The following LARP4 variants were observed in gnomAD, a reference collection of about 807,000 sequenced individuals.
The protein encoded by LARP4 is la-related protein 4.
A neutral mutation model predicts 92.9 loss-of-function variants in LARP4; 29 were observed. The observed-to-expected ratio is 0.31, with a 90% CI of 0.23 to 0.43. LARP4 has a LOEUF of 0.43. LARP4 is among the 20% of genes least tolerant of loss of function. The probability of loss-of-function intolerance (pLI) is 1.00; values close to 1 mark genes in which losing one functional copy is unlikely to be tolerated. For synonymous variants in LARP4, 279 were observed against 284.1 expected, an observed-to-expected ratio of 0.98 and a Z score of 0.18; for missense variants, 732 against 860.0, an observed-to-expected ratio of 0.85 and a Z score of 1.86.
At chr12:50,449,968 T>C (rs1287013890) in intron 8 of LARP4, among the ~76,000 whole-genome samples, 2 of 134,544 alleles carry the variant, frequency 1.5e-5, no homozygotes, top group Non-Finnish European at 3.1e-5. Context: ...GGAGTTTTGC[T>C]CTGTTGCCAG....
chr12:50,404,681 GTTTTTTT>G (rs1162590362), intron 1 of LARP4, among the ~76,000 whole-genome samples: 1 of 67,356 alleles, frequency 1.5e-5, no homozygotes. Flanking sequence ...GGTTCAAGCA[GTTTTTTT>G]TTTTTTTTTT....
chr12:50,412,607 C>G (rs187590368), intron 1 of LARP4: 21 of 164,674 alleles, frequency 1.3e-4, no homozygotes, highest in African/African-American at 3.8e-4. Context: ...TTCTCTTTTT[C>G]CTTTCATTTT....
rs568523734 is a variant in LARP4, at chr12:50,441,209, G to A, written c.751-381G>A. The A allele has an allele frequency of 4.1e-5, 7 of 170,110 alleles. 1 individual carries two copies. In the South Asian group the frequency reaches 7.6e-4, roughly 19 times the overall value. The allele number at this position is 170,110 out of a possible 1,614,324, so 10.5% of individuals were successfully genotyped here. ...TGGTTTTATTCTTAATTGTTAACAT[G>A]TCTTAAAGAGAAATAATCCTTTGAA... is the stretch of plus-strand genomic sequence containing the variant. On this transcript the variant is annotated intron_variant, in intron 7 of 15. Transcript: ENST00000398473.
At chr12:50,419,946 C>G (rs1046518755) in intron 1 of LARP4, among the ~76,000 whole-genome samples, 2 of 152,060 alleles carry the variant, frequency 1.3e-5, no homozygotes, top group African/African-American at 4.8e-5. Context: ...AAAATTCTTA[C>G]AAAGTTCTAA....
chr12:50,435,521 T>C lies in LARP4; in HGVS notation c.432T>C (p.Ser144=). 1.3e-6 allele frequency: 2 copies of C among 1,575,902 alleles called. No homozygotes were observed. The highest frequency in any genetic ancestry group is 2.2e-5 in the South Asian group (2 of 89,032). Residue 144 remains serine (S), a synonymous_variant, in exon 5 of 16, where the codon TCT becomes TCC. Transcript: ENST00000398473. ...ENLSKDLYLI[S]QMDSDQFIPI... is the part of the protein sequence containing the mutation. ...TGTCAAAGGATCTTTACTTGATATC[T>C]CAAATGGATAGTGATCAGTTCATCC...
rs1413067564 is a variant in LARP4 at position 50,475,924 on chromosome 12, T to C, written c.*60T>C. On this transcript the variant is annotated 3_prime_UTR_variant, in exon 16 of 16. Transcript: ENST00000398473. ...TCCCATTAAACTTGAACTGTGGCTA[T>C]ATTGAACTGTTTTGGAGGGGAGGGG... 1.8e-5 allele frequency: 26 copies of C among 1,436,500 alleles called. No homozygotes were observed. The highest frequency in any genetic ancestry group is 2.3e-5 in the Non-Finnish European group (24 of 1,040,680). 89.0% of individuals were successfully genotyped at this position (1,436,500 alleles called of 1,614,324 possible). A position where few individuals can be genotyped will look rare whatever the true frequency, so the allele number is the denominator to read the frequency against.
In LARP4 at chr12:50,475,947, G is replaced by C. The variant is rs1241765912; in HGVS notation, c.*83G>C. The C allele has an allele frequency of 8.6e-7, 1 of 1,158,178 alleles. No individual in the cohort carries two copies. Among genetic ancestry groups the C allele is most frequent in the Non-Finnish European group, 1.2e-6 (1 of 818,686 alleles). 71.7% of individuals were successfully genotyped at this position (1,158,178 alleles called of 1,614,324 possible). On this transcript the variant is annotated 3_prime_UTR_variant, in exon 16 of 16. Transcript: ENST00000398473. ...TATATTGAACTGTTTTGGAGGGGAG[G>C]GGGTAGCCAGGAAGGAAACAAGAGA... is the stretch of plus-strand genomic sequence containing the variant.
chr12:50,447,028 A>G (rs2137961852), intron 8 of LARP4, among the ~76,000 whole-genome samples: 1 of 152,222 alleles, frequency 6.6e-6, no homozygotes, highest in Admixed American at 6.5e-5. Context: ...GTGTTATTTC[A>G]TTTGATATTC....
At chr12:50,457,227 A>G (rs1954456205) in intron 10 of LARP4, among the ~76,000 whole-genome samples, 2 of 122,696 alleles carry the variant, frequency 1.6e-5, no homozygotes, top group South Asian at 5.5e-4. Flanking sequence ...TTTTTTAAAG[A>G]CGGAGTTTTG....
At chr12:50,448,249 TC>T (rs1245765910) in intron 8 of LARP4, among the ~76,000 whole-genome samples, 2 of 152,092 alleles carry the variant, frequency 1.3e-5, no homozygotes, top group African/African-American at 2.4e-5. Context: ...TTTATCTTTT[TC>T]CCCCCATCTT....
Position 50,476,488 on chromosome 12 carries a change from G to C in LARP4, c.*624G>C, listed in dbSNP as rs1322851218. ...ATACTTGAGTAGATTTTTTTTTCTA[G>C]TTTGAAATTTAGTCTGTCTTTTTGA... On this transcript the variant is annotated 3_prime_UTR_variant, in exon 16 of 16. Transcript: ENST00000398473. 6.6e-6 allele frequency: 1 copy of C among 152,260 alleles called. No individual in the cohort carries two copies. The highest frequency in any genetic ancestry group is 1.5e-5 in the Non-Finnish European group (1 of 67,948). 9.4% of individuals were successfully genotyped at this position (152,260 alleles called of 1,614,324 possible).
chr12:50,403,079 G>A (rs774139441), intron 1 of LARP4, among the ~76,000 whole-genome samples: 2 of 152,210 alleles, frequency 1.3e-5, no homozygotes, highest in African/African-American at 4.8e-5. Flanking sequence ...GAGAACCAAA[G>A]CTCAGAAGTT....
At chr12:50,403,173 A>G (rs1171728445) in intron 1 of LARP4, among the ~76,000 whole-genome samples, 1 of 152,236 alleles carries the variant, frequency 6.6e-6, no homozygotes, top group Non-Finnish European at 1.5e-5. Context: ...TCTGGCTTCA[A>G]AATTATTTTT....
At chr12:50,420,076 AG>A (rs1213128259) in intron 1 of LARP4, among the ~76,000 whole-genome samples, 1 of 152,252 alleles carries the variant, frequency 6.6e-6, no homozygotes, top group Non-Finnish European at 1.5e-5. Context: ...ATTATCATCA[AG>A]TGTAGACTAT....
At chr12:50,475,433 CTG>C (rs1957439965) in intron 15 of LARP4, 91 bp from the exon 16 acceptor site, 2 of 1,036,144 alleles carry the variant, frequency 1.9e-6, no homozygotes, top group East Asian at 4.8e-5. Context: ...GGAAGATAAT[CTG>C]TGGTTTTCTT....
chr12:50,460,360 C>T (rs1955149129), intron 10 of LARP4, among the ~76,000 whole-genome samples: 1 of 152,116 alleles, frequency 6.6e-6, no homozygotes, highest in African/African-American at 2.4e-5. Context: ...ATAGGGTTTT[C>T]TCTGATGCCT....
intron 13 of LARP4, among the ~76,000 whole-genome samples, chr12:50,473,073 G>A (rs1216269032): frequency 6.6e-6 from 1 of 152,182 alleles, no homozygotes; most frequent in Non-Finnish European, 1.5e-5. Context: ...ACCCGCCTCA[G>A]CCTCCGAAAG....
At chr12:50,453,310 A>C (rs1282773208) in intron 8 of LARP4, 150 bp from the exon 9 acceptor site, 7 of 528,832 alleles carry the variant, frequency 1.3e-5, no homozygotes, top group Non-Finnish European at 2.0e-5. Context: ...TTAATTAATT[A>C]AAGCTGTCAT....
intron 4 of LARP4, among the ~76,000 whole-genome samples, chr12:50,432,647 G>A (rs1041017745): frequency 6.6e-6 from 1 of 152,090 alleles, no homozygotes; most frequent in Non-Finnish European, 1.5e-5. Flanking sequence ...ATCACCTGAG[G>A]TGAGGAGTTC....
Sources: gnomAD v4.1 joint callset for allele counts (sites outside exome capture counted in the v4.1 genomes callset) on GRCh38, gnomAD v4.1.1 for gene constraint, MANE v1.5 for transcripts, NCBI Gene and HGNC (gene_info 2026-07-23, HGNC 2026-07-21) for gene names.